Variants in DOCK3 observed in about 807,000 individuals in gnomAD.
DOCK3 encodes the protein dedicator of cytokinesis protein 3.
Under a neutral mutation model 265.6 loss-of-function variants are expected in DOCK3, and 60 were observed. The observed-to-expected ratio is 0.23, with a 90% CI of 0.18 to 0.28. The LOEUF is 0.28. Ranked by LOEUF, DOCK3 falls within the 10% of genes least tolerant of loss-of-function variation. The pLI is 1.00. For synonymous variants in DOCK3, 881 were observed against 938.0 expected (o/e 0.94, Z 1.11); for missense variants, 1,981 against 2,594.3 (o/e 0.76, Z 5.14).
At chr3:51,275,802 G>A (rs1381059214) in intron 25 of DOCK3, among the ~76,000 whole-genome samples, 1 of 152,172 alleles carries the variant, frequency 6.6e-6, no homozygotes, top group Non-Finnish European at 1.5e-5. Context: ...AAAGAAATCA[G>A]TGGTAAGAGG....
chr3:50,980,002 A>G (rs1347881094), intron 5 of DOCK3, among the ~76,000 whole-genome samples: 1 of 152,132 alleles, frequency 6.6e-6, no homozygotes, highest in East Asian at 1.9e-4. Flanking sequence ...GTTGAACAAG[A>G]ATGTTCAAAG....
chr3:50,901,772 C>T (rs2049213048), intron 4 of DOCK3: 1 of 435,288 alleles, frequency 2.3e-6, no homozygotes, highest in African/African-American at 2.0e-5. Flanking sequence ...ACACCCTACC[C>T]TGCTTCAGCT....
intron 14 of DOCK3, among the ~76,000 whole-genome samples, chr3:51,220,687 A>ACATGTGTG: frequency 1.5e-5 from 1 of 67,600 alleles, no homozygotes; most frequent in South Asian, 7.1e-4. Context: ...ATATATATAT[A>ACATGTGTG]TGTGTGTGTG....
chr3:50,708,125 C>T (rs2036531296), intron 1 of DOCK3, among the ~76,000 whole-genome samples: 1 of 152,004 alleles, frequency 6.6e-6, no homozygotes, highest in Admixed American at 6.6e-5. Flanking sequence ...TCTGGCCCTG[C>T]TAATGGTGCA....
chr3:50,888,282 A>G (rs1460579234), intron 3 of DOCK3, among the ~76,000 whole-genome samples: 1 of 152,164 alleles, frequency 6.6e-6, no homozygotes, highest in African/African-American at 2.4e-5. Context: ...AGAATAAAAT[A>G]CCTAGGAATC....
At chr3:51,149,289 G>A (rs900316730) in intron 10 of DOCK3, among the ~76,000 whole-genome samples, 14 of 152,098 alleles carry the variant, frequency 9.2e-5, no homozygotes, top group Admixed American at 7.2e-4. Flanking sequence ...CTGCAAACAG[G>A]GACAATTTGA....
intron 9 of DOCK3, among the ~76,000 whole-genome samples, chr3:51,112,679 G>A (rs938006895): frequency 6.6e-6 from 1 of 152,184 alleles, no homozygotes; most frequent in Admixed American, 6.5e-5. Context: ...TGGGAGGGGC[G>A]ACTGTTGAGT....
At chr3:50,970,140 A>G (rs1415956927) in intron 5 of DOCK3, among the ~76,000 whole-genome samples, 1 of 152,176 alleles carries the variant, frequency 6.6e-6, no homozygotes, top group African/African-American at 2.4e-5. Flanking sequence ...TCTGGCTTAT[A>G]AAGTTTCTGC....
chr3:50,917,190 C>T (rs547270852), intron 4 of DOCK3, among the ~76,000 whole-genome samples: 1 of 152,128 alleles, frequency 6.6e-6, no homozygotes, highest in African/African-American at 2.4e-5. Flanking sequence ...ATTCTAGCTT[C>T]ATAGCATGAA....
intron 9 of DOCK3, among the ~76,000 whole-genome samples, chr3:51,145,878 G>A (rs2085277242): frequency 1.3e-5 from 2 of 152,142 alleles, no homozygotes; most frequent in Admixed American, 1.3e-4. Flanking sequence ...AGATCATCAG[G>A]CATTAGTTAA....
At chr3:50,738,014 T>C (rs1021553420) in intron 1 of DOCK3, among the ~76,000 whole-genome samples, 1 of 152,212 alleles carries the variant, frequency 6.6e-6, no homozygotes. Context: ...AATAGGCACC[T>C]CTTTCAGTCT....
intron 1 of DOCK3, among the ~76,000 whole-genome samples, chr3:50,726,620 G>A (rs1228667919): frequency 2.0e-5 from 3 of 152,130 alleles, no homozygotes; most frequent in Admixed American, 2.0e-4. Context: ...TTTTTTTTCT[G>A]TTTTGACTCT....
At chr3:50,770,781 G>A (rs1054169909) in intron 1 of DOCK3, among the ~76,000 whole-genome samples, 3 of 152,090 alleles carry the variant, frequency 2.0e-5, no homozygotes, top group African/African-American at 7.2e-5. Flanking sequence ...TACCTTAACT[G>A]GCAGGTTAGG....
intron 32 of DOCK3, among the ~76,000 whole-genome samples, chr3:51,320,627 G>A (rs2083654083): frequency 1.3e-5 from 2 of 152,146 alleles, no homozygotes; most frequent in South Asian, 2.1e-4. Context: ...TGGGACACTC[G>A]AGCCTGGTTG....
At chr3:51,117,572 C>T (rs1208975999) in intron 9 of DOCK3, among the ~76,000 whole-genome samples, 2 of 152,090 alleles carry the variant, frequency 1.3e-5, no homozygotes, top group African/African-American at 4.8e-5. Context: ...TAGTAGAAAT[C>T]GGCTGTGAAT....
At chr3:51,199,823 C>T (rs575565780) in intron 12 of DOCK3, among the ~76,000 whole-genome samples, 4 of 152,332 alleles carry the variant, frequency 2.6e-5, no homozygotes, top group Admixed American at 6.5e-5. Flanking sequence ...CCAGGTACTC[C>T]TCTGAGACAA....
intron 22 of DOCK3, among the ~76,000 whole-genome samples, chr3:51,251,800 A>G (rs1293941424): frequency 1.3e-5 from 2 of 152,106 alleles, no homozygotes; most frequent in East Asian, 1.9e-4. Flanking sequence ...ATTTTCTCCT[A>G]TTCTATAGCT....
rs527536704 is a variant in DOCK3 at position 51,227,409 on chromosome 3, G to T, written c.1504G>T (p.Gly502Cys). ...GCCTATCCCCATTGACCGGTTCCGG[G>T]GCTCCCACCTGCGCTTTGAGTTCAG... Reference protein sequence around the residue: ...KLPIPIDRFRGSHLRFEFRHC... With the variant: ...KLPIPIDRFRCSHLRFEFRHC... Residue 502 changes from glycine (G) to cysteine (C), a missense_variant, in exon 16 of 53, where the codon GGC becomes TGC. By Grantham distance (159) the Gly-to-Cys change is radical. Around this residue, in one of 4 missense-constraint regions of DOCK3, gnomAD observed 1,357 missense variants for 1,866.8 expected, o/e 0.73. Coordinates refer to ENST00000266037, the MANE Select transcript of DOCK3 (RefSeq NM_004947.5). 3.1e-6 allele frequency: 5 copies of T among 1,613,768 alleles called. No individual in the cohort carries two copies. In the East Asian group the frequency reaches 1.1e-4, roughly 36 times the overall value.
chr3:50,849,489 C>G (rs553428415), intron 3 of DOCK3, among the ~76,000 whole-genome samples: 1 of 152,142 alleles, frequency 6.6e-6, no homozygotes, highest in African/African-American at 2.4e-5. Context: ...GGGTCTCTCT[C>G]TGTCACCCAG....
Sources: allele counts gnomAD v4.1 joint callset (sites outside exome capture counted in the v4.1 genomes callset), GRCh38; gene constraint gnomAD v4.1.1; regional missense constraint gnomAD v4.1.1; transcripts MANE v1.5; gene names NCBI Gene and HGNC (gene_info 2026-07-23, HGNC 2026-07-21).